APP: variants seen among roughly 807,000 people sequenced by gnomAD.
APP encodes the protein amyloid-beta precursor protein.
APP carries 31 observed loss-of-function variants against 101.4 expected under a neutral mutation model. The ratio of observed to expected loss-of-function variants is 0.31; its 90% confidence interval spans 0.23 to 0.41. The LOEUF (loss-of-function observed/expected upper bound fraction) is 0.41, where lower values mean the gene tolerates loss of function less well. Ranked by LOEUF, APP falls within the 10% of genes least tolerant of loss-of-function variation. APP has a pLI of 1.00. For missense variants in APP, 839 were observed against 1,003.7 expected (o/e 0.84, Z 2.22); for synonymous variants, 366 against 364.4 (o/e 1.00, Z -0.05).
At chr21:26,001,378 C>T (rs567740551) in intron 6 of APP, among the ~76,000 whole-genome samples, 1 of 152,300 alleles carries the variant, frequency 6.6e-6, no homozygotes, top group East Asian at 1.9e-4. Flanking sequence ...GGGTTTGTGC[C>T]CTGCCCTTGC....
chr21:25,920,553 AC>A (rs2039580610), intron 13 of APP, among the ~76,000 whole-genome samples: 2 of 152,044 alleles, frequency 1.3e-5, no homozygotes, highest in Admixed American at 1.3e-4. Context: ...CAAATGGAAA[AC>A]AAAAAAAGGC....
intron 8 of APP, among the ~76,000 whole-genome samples, chr21:25,984,747 G>C (rs774235532): frequency 7.9e-5 from 12 of 152,244 alleles, no homozygotes; most frequent in African/African-American, 2.6e-4. Context: ...GCTCAAATGA[G>C]AACAAGTTAA....
At chr21:25,887,182 C>A (rs564821102) in intron 17 of APP, among the ~76,000 whole-genome samples, 4 of 152,064 alleles carry the variant, frequency 2.6e-5, no homozygotes, top group African/African-American at 9.7e-5. Context: ...AGCTACAATA[C>A]GTATTTTTAA....
chr21:25,975,102 A>C lies in APP; in HGVS notation c.1426T>G (p.Tyr476Asp). The change falls in exon 11 of 18, where the codon TAC (tyrosine) becomes GAC (aspartate). Residue 476 changes from tyrosine (Y) to aspartate (D), a missense_variant. Coordinates refer to ENST00000346798, the MANE Select transcript of APP (RefSeq NM_000484.4). ...NDRRRLALENYITALQAVPPR... is the reference protein window; with the variant it reads ...NDRRRLALENDITALQAVPPR... Reference sequence around the variant, plus strand: ...GGAACAGCCTGCAGAGCGGTGATGTAGTTCTCCAGGGCCAGGCGGCGGCGG... The same window carrying C: ...GGAACAGCCTGCAGAGCGGTGATGTCGTTCTCCAGGGCCAGGCGGCGGCGG... The C allele has an allele frequency of 6.2e-7, 1 of 1,613,978 alleles. No homozygotes were observed. The highest frequency in any genetic ancestry group is 8.5e-7 in the Non-Finnish European group (1 of 1,179,976).
chr21:25,997,495 G>A lies in APP; in HGVS notation c.1034-79C>T, dbSNP rs939109225. The A allele has an allele frequency of 6.1e-6, 8 of 1,314,398 alleles. No individual in the cohort carries two copies. The African/African-American group carries it at 1.0e-4, about 17-fold the overall frequency. The allele number at this position is 1,314,398 out of a possible 1,614,324, so 81.4% of individuals were successfully genotyped here. ...GATGGCTGAAATGCACGAGTCCACT[G>A]ACAAAAAAACAACCTAACAAACAAA... On this transcript the variant is annotated intron_variant, in intron 7 of 17. Transcript: ENST00000346798.
At chr21:26,035,083 T>A (rs1239638538) in intron 5 of APP, among the ~76,000 whole-genome samples, 1 of 151,784 alleles carries the variant, frequency 6.6e-6, no homozygotes, top group Non-Finnish European at 1.5e-5. Flanking sequence ...TTCAGGAGTT[T>A]GAGACAAGCC....
At chr21:26,046,151 G>C (rs747466407) in intron 5 of APP, among the ~76,000 whole-genome samples, 1 of 151,704 alleles carries the variant, frequency 6.6e-6, no homozygotes, top group Non-Finnish European at 1.5e-5. Flanking sequence ...TTCAAGAAGA[G>C]ATCTGGGTGG....
rs550366281 is a variant in APP at position 26,112,410 on chromosome 21, C to T, written c.58-264G>A. 1.6e-3 allele frequency among the ~76,000 whole-genome samples: 247 copies of T among 152,276 alleles called. 1 individual carries two copies. Among genetic ancestry groups the T allele is most frequent in the Non-Finnish European group, 2.8e-3 (191 of 68,026 alleles). On this transcript the variant is annotated intron_variant, in intron 1 of 17. Coordinates refer to ENST00000346798, the MANE Select transcript of APP (RefSeq NM_000484.4). ...GGAATTTATTCATGAAAAATTTACACGTTTTCCCATATGAGATTTTGTGGT... is the reference window on the plus strand; with the variant it reads ...GGAATTTATTCATGAAAAATTTACATGTTTTCCCATATGAGATTTTGTGGT...
chr21:25,899,901 A>C (rs927794031), intron 15 of APP, among the ~76,000 whole-genome samples: 1 of 152,132 alleles, frequency 6.6e-6, no homozygotes, highest in South Asian at 2.1e-4. Context: ...TATAGACATA[A>C]AAGGCACAAT....
At chr21:25,891,330 T>G (rs1458223863) in intron 17 of APP, among the ~76,000 whole-genome samples, 1 of 152,202 alleles carries the variant, frequency 6.6e-6, no homozygotes, top group Non-Finnish European at 1.5e-5. Flanking sequence ...AATAAACATG[T>G]TTAGTTTTTT....
At chr21:25,942,499 G>A (rs1033176426) in intron 13 of APP, 4 of 152,254 alleles carry the variant, frequency 2.6e-5, no homozygotes, top group Non-Finnish European at 4.4e-5. Flanking sequence ...CAAATGCTAC[G>A]AGACGCAGCA....
chr21:26,099,647 A>G (rs776766556), intron 2 of APP, among the ~76,000 whole-genome samples: 1 of 152,238 alleles, frequency 6.6e-6, no homozygotes, highest in Non-Finnish European at 1.5e-5. Context: ...ATACAAAGAA[A>G]TATCACATCT....
chr21:26,148,878 G>C (rs1427085049), intron 1 of APP, among the ~76,000 whole-genome samples: 1 of 152,158 alleles, frequency 6.6e-6, no homozygotes, highest in East Asian at 1.9e-4. Context: ...ATTGGTTTAG[G>C]GAAGCTTACA....
At chr21:25,970,340 T>A (rs1386020890) in intron 11 of APP, among the ~76,000 whole-genome samples, 1 of 152,170 alleles carries the variant, frequency 6.6e-6, no homozygotes, top group Non-Finnish European at 1.5e-5. Context: ...AAGCCTCCAT[T>A]CAGCCCTCAG....
rs117465478 is a variant in APP at position 25,901,095 on chromosome 21, C to T, written c.1964-3422G>A. On this transcript the variant is annotated intron_variant, in intron 15 of 17. Coordinates refer to ENST00000346798, the MANE Select transcript of APP (RefSeq NM_000484.4). Reference sequence around the variant, plus strand: ...GGCAAACAGTTTGAACTCAGGAGTTCGAGACCAGCCTAGCCAATATGGCAA... The same window carrying T: ...GGCAAACAGTTTGAACTCAGGAGTTTGAGACCAGCCTAGCCAATATGGCAA... Among the ~76,000 whole-genome samples, 154 of 151,726 alleles carry T rather than the reference C, an allele frequency of 1.0e-3. 1 individual carries two copies. In the East Asian group the frequency reaches 0.028, roughly 28 times the overall value.
intron 3 of APP, among the ~76,000 whole-genome samples, chr21:26,086,036 C>T (rs944585730): frequency 3.3e-5 from 5 of 152,186 alleles, no homozygotes; most frequent in Admixed American, 2.6e-4. Flanking sequence ...CGCAATGTTC[C>T]TTGCCTTTGC....
chr21:26,088,405 A>G (rs2061746865), intron 3 of APP, among the ~76,000 whole-genome samples: 1 of 152,226 alleles, frequency 6.6e-6, no homozygotes, highest in Non-Finnish European at 1.5e-5. Flanking sequence ...ACCAGGAGCA[A>G]TAATGCCCAT....
intron 14 of APP, among the ~76,000 whole-genome samples, chr21:25,910,089 C>T (rs998935481): frequency 6.6e-6 from 1 of 151,868 alleles, no homozygotes; most frequent in African/African-American, 2.4e-5. Context: ...AGATTTAGTA[C>T]TAATTGCATG....
chr21:25,900,791 A>AG (rs1314413473), intron 15 of APP, among the ~76,000 whole-genome samples: 7 of 149,684 alleles, frequency 4.7e-5, no homozygotes, highest in Non-Finnish European at 7.4e-5. Context: ...CACGAGGTCA[A>AG]GAGATCAAGA....
Sources: gnomAD v4.1 joint callset for allele counts (sites outside exome capture counted in the v4.1 genomes callset) on GRCh38, gnomAD v4.1.1 for gene constraint, MANE v1.5 for transcripts, NCBI Gene and HGNC (gene_info 2026-07-23, HGNC 2026-07-21) for gene names.